The following EFNA5 variants were observed in gnomAD, a reference collection of about 807,000 sequenced individuals.
The protein encoded by EFNA5 is ephrin A5.
A neutral mutation model predicts 22.9 loss-of-function variants in EFNA5; 5 were observed. That is an observed-to-expected ratio of 0.22 (90% confidence interval 0.11 to 0.46). The LOEUF (loss-of-function observed/expected upper bound fraction) is 0.46. Ranked by LOEUF, EFNA5 falls within the 20% of genes least tolerant of loss-of-function variation. The probability of loss-of-function intolerance (pLI) is 0.99; values close to 1 mark genes in which losing one functional copy is unlikely to be tolerated. For missense variants in EFNA5, 237 were observed against 293.3 expected (o/e 0.81, Z 1.40); for synonymous variants, 113 against 112.2 (o/e 1.01, Z -0.04).
At chr5:107,554,105 T>C (rs1462882668) in intron 1 of EFNA5, among the ~76,000 whole-genome samples, 2 of 152,242 alleles carry the variant, frequency 1.3e-5, no homozygotes, top group Non-Finnish European at 2.9e-5. Flanking sequence ...AAAATGAGTT[T>C]CTTCAAAGAG....
At chr5:107,461,198 A>T (rs1274666089) in intron 1 of EFNA5, among the ~76,000 whole-genome samples, 2 of 152,186 alleles carry the variant, frequency 1.3e-5, no homozygotes, top group African/African-American at 4.8e-5. Context: ...AAAAAGCAAA[A>T]GAACAAAGAT....
chr5:107,382,943 A>T (rs1747508850), intron 4 of EFNA5, among the ~76,000 whole-genome samples: 1 of 152,090 alleles, frequency 6.6e-6, no homozygotes. Flanking sequence ...ACTCATTTGT[A>T]TTTTCCTACC....
intron 1 of EFNA5, among the ~76,000 whole-genome samples, chr5:107,479,360 G>C (rs1580479782): frequency 6.6e-6 from 1 of 152,190 alleles, no homozygotes; most frequent in Middle Eastern, 3.4e-3. Context: ...AATCTGATCA[G>C]AGTAATAATT....
intron 2 of EFNA5, among the ~76,000 whole-genome samples, chr5:107,397,081 TTTAA>T (rs202066932): frequency 0.028 from 4,009 of 143,942 alleles, 92 homozygotes; most frequent in African/African-American, 0.062. Flanking sequence ...CACTCCACTC[TTTAA>T]TTTTTTTTTT....
chr5:107,444,348 C>G (rs1242471321), intron 1 of EFNA5, among the ~76,000 whole-genome samples: 1 of 152,122 alleles, frequency 6.6e-6, no homozygotes, highest in African/African-American at 2.4e-5. Context: ...TTGTCTCATC[C>G]CCTGTACTCC....
At chr5:107,435,563 C>A (rs1257017341) in intron 1 of EFNA5, among the ~76,000 whole-genome samples, 1 of 152,034 alleles carries the variant, frequency 6.6e-6, no homozygotes, top group Non-Finnish European at 1.5e-5. Flanking sequence ...TGTTACCCCA[C>A]CAGGTGTGAA....
At chr5:107,410,384 A>G (rs1332374380) in intron 2 of EFNA5, among the ~76,000 whole-genome samples, 1 of 152,176 alleles carries the variant, frequency 6.6e-6, no homozygotes, top group Admixed American at 6.5e-5. Flanking sequence ...GTTTTTAACT[A>G]TACAGAAAGT....
intron 1 of EFNA5, among the ~76,000 whole-genome samples, chr5:107,486,717 G>A (rs1020529222): frequency 6.6e-6 from 1 of 152,134 alleles, no homozygotes; most frequent in East Asian, 1.9e-4. Flanking sequence ...GACTGAAGAG[G>A]CCTCTATCAT....
intron 1 of EFNA5, among the ~76,000 whole-genome samples, chr5:107,529,840 G>A (rs1270901636): frequency 1.3e-5 from 2 of 152,282 alleles, no homozygotes; most frequent in East Asian, 3.9e-4. Flanking sequence ...TTTCTAGGGA[G>A]CCTAGGCTAA....
intron 1 of EFNA5, among the ~76,000 whole-genome samples, chr5:107,438,440 GCT>G (rs2112433098): frequency 6.6e-6 from 1 of 152,258 alleles, no homozygotes; most frequent in African/African-American, 2.4e-5. Context: ...CCACTGTTTT[GCT>G]CTCAGTTGTG....
chr5:107,609,813 G>A (rs1022138459), intron 1 of EFNA5, among the ~76,000 whole-genome samples: 3 of 152,098 alleles, frequency 2.0e-5, no homozygotes, highest in Admixed American at 6.5e-5. Context: ...GCCCGCCGCC[G>A]ACTAGAATAA....
At chr5:107,522,413 T>A (rs538284484) in intron 1 of EFNA5, among the ~76,000 whole-genome samples, 1 of 152,208 alleles carries the variant, frequency 6.6e-6, no homozygotes, top group East Asian at 1.9e-4. Context: ...TGTCTTTTTT[T>A]AAAGACACAG....
At chr5:107,628,470 A>G (rs1011176317) in intron 1 of EFNA5, among the ~76,000 whole-genome samples, 6 of 152,154 alleles carry the variant, frequency 3.9e-5, no homozygotes, top group Non-Finnish European at 7.4e-5. Context: ...ACTTTCCCCA[A>G]TCCATTCATT....
intron 1 of EFNA5, among the ~76,000 whole-genome samples, chr5:107,517,890 G>A (rs1292025188): frequency 2.0e-5 from 3 of 152,250 alleles, no homozygotes; most frequent in East Asian, 1.9e-4. Flanking sequence ...AATTGTCAGG[G>A]TCAAAGTAGA....
At chr5:107,592,035 TTA>T (rs1165386931) in intron 1 of EFNA5, among the ~76,000 whole-genome samples, 4 of 92,194 alleles carry the variant, frequency 4.3e-5, no homozygotes, top group Admixed American at 3.6e-4. Flanking sequence ...ATATTATATA[TTA>T]TATATATTAT....
chr5:107,399,200 C>T (rs1474079613), intron 2 of EFNA5, among the ~76,000 whole-genome samples: 1 of 151,986 alleles, frequency 6.6e-6, no homozygotes, highest in Non-Finnish European at 1.5e-5. Context: ...GCCTGTAATC[C>T]CAGCAGTTTA....
intron 4 of EFNA5, among the ~76,000 whole-genome samples, chr5:107,386,319 G>A (rs1747623331): frequency 6.6e-6 from 1 of 152,100 alleles, no homozygotes; most frequent in African/African-American, 2.4e-5. Flanking sequence ...CACAGAGGAA[G>A]GAAACACACA....
chr5:107,494,154 A>G (rs1746895813), intron 1 of EFNA5, among the ~76,000 whole-genome samples: 1 of 152,140 alleles, frequency 6.6e-6, no homozygotes, highest in Admixed American at 6.5e-5. Flanking sequence ...GCGGCACTTG[A>G]GGAGCCCTTC....
chr5:107,488,109 G>A (rs201535878), intron 1 of EFNA5, among the ~76,000 whole-genome samples: 7 of 152,286 alleles, frequency 4.6e-5, no homozygotes, highest in East Asian at 1.9e-4. Context: ...AATGTTGAGA[G>A]GAAGATTTGC....
Sources: gnomAD v4.1 joint callset for allele counts (sites outside exome capture counted in the v4.1 genomes callset) on GRCh38, gnomAD v4.1.1 for gene constraint, MANE v1.5 for transcripts, NCBI Gene and HGNC (gene_info 2026-07-23, HGNC 2026-07-21) for gene names.